PLS1: variants seen among roughly 807,000 people sequenced by gnomAD.
PLS1 encodes plastin 1.
Under a neutral mutation model 73.7 loss-of-function variants are expected in PLS1, and 32 were observed. The ratio of observed to expected loss-of-function variants is 0.43; its 90% CI spans 0.33 to 0.58. PLS1 has a LOEUF of 0.58. PLS1 is among the 20% of genes least tolerant of loss of function. The pLI, the probability that PLS1 is intolerant of heterozygous loss-of-function variation, is 0.04. For synonymous variants in PLS1, 217 were observed against 261.3 expected, an observed-to-expected ratio of 0.83 and a Z score of 1.63; for missense variants, 633 against 740.5, an observed-to-expected ratio of 0.85 and a Z score of 1.68.
intron 1 of PLS1, among the ~76,000 whole-genome samples, chr3:142,637,093 C>T (rs762546957): frequency 6.6e-6 from 1 of 152,102 alleles, no homozygotes; most frequent in Non-Finnish European, 1.5e-5. Context: ...TGTGTTTGTC[C>T]ACACACAGAC....
intron 1 of PLS1, among the ~76,000 whole-genome samples, chr3:142,661,316 C>T (rs1338128260): frequency 6.6e-6 from 1 of 152,140 alleles, no homozygotes. Flanking sequence ...TCTATTTACT[C>T]CTTTTTCTAC....
intron 1 of PLS1, among the ~76,000 whole-genome samples, chr3:142,634,052 A>G (rs1476527307): frequency 6.6e-6 from 1 of 152,248 alleles, no homozygotes; most frequent in African/African-American, 2.4e-5. Context: ...TACAATGGAC[A>G]GGATTAAGGG....
chr3:142,620,114 G>A (rs1480096581), intron 1 of PLS1, among the ~76,000 whole-genome samples: 1 of 151,624 alleles, frequency 6.6e-6, no homozygotes, highest in Non-Finnish European at 1.5e-5. Flanking sequence ...AGAAGTTTGA[G>A]AAGTAGACTT....
At chr3:142,623,884 T>C (rs1445078666) in intron 1 of PLS1, among the ~76,000 whole-genome samples, 1 of 152,200 alleles carries the variant, frequency 6.6e-6, no homozygotes, top group Non-Finnish European at 1.5e-5. Flanking sequence ...GATTGGGCTT[T>C]GATTTTCCTT....
intron 9 of PLS1, among the ~76,000 whole-genome samples, chr3:142,687,536 T>C (rs2037996593): frequency 6.6e-6 from 1 of 152,158 alleles, no homozygotes; most frequent in African/African-American, 2.4e-5. Flanking sequence ...TGCAAATCAT[T>C]TTAAGTAAAA....
chr3:142,635,178 C>T (rs753274766), intron 1 of PLS1, among the ~76,000 whole-genome samples: 4 of 150,780 alleles, frequency 2.7e-5, no homozygotes, highest in Non-Finnish European at 4.4e-5. Context: ...CTAAAGCAAT[C>T]GCTAAAAATG....
intron 1 of PLS1, among the ~76,000 whole-genome samples, chr3:142,663,756 C>G (rs1010274621): frequency 3.9e-5 from 6 of 152,128 alleles, no homozygotes; most frequent in African/African-American, 1.4e-4. Flanking sequence ...ATGTTAAAAC[C>G]ACAAATCCCA....
Position 142,665,987 on chromosome 3 carries a change from CTTTA to C in PLS1, c.70+1685_70+1688del, listed in dbSNP as rs147784751. Among the ~76,000 whole-genome samples, 273 of 152,202 alleles carry C rather than the reference CTTTA, an allele frequency of 1.8e-3. 5 individuals are homozygous for C. In the East Asian group the frequency reaches 0.026, roughly 15 times the overall value. ...CACTAGCAGAATAGGTACTTGCTGACTTTATTTAGGAGGTAAACTGCTACTCTGT... is the reference window on the plus strand; with the variant it reads ...CACTAGCAGAATAGGTACTTGCTGACTTTAGGAGGTAAACTGCTACTCTGT... On this transcript the variant is annotated intron_variant, in intron 2 of 15. Transcript: ENST00000457734.
chr3:142,632,389 C>T (rs909502381), intron 1 of PLS1, among the ~76,000 whole-genome samples: 4 of 152,008 alleles, frequency 2.6e-5, no homozygotes, highest in African/African-American at 9.7e-5. Flanking sequence ...TCACCTTATG[C>T]CCATTAGGAT....
chr3:142,600,916 A>ATATATATAT (rs1560024585), intron 1 of PLS1, among the ~76,000 whole-genome samples: 4 of 14,832 alleles, frequency 2.7e-4, no homozygotes, highest in Non-Finnish European at 3.3e-4. Context: ...ATATATATAT[A>ATATATATAT]TTTTTTTTTT....
intron 1 of PLS1, among the ~76,000 whole-genome samples, chr3:142,601,701 G>T (rs931654679): frequency 6.6e-6 from 1 of 151,942 alleles, no homozygotes; most frequent in Admixed American, 6.6e-5. Flanking sequence ...TTTTTTTATA[G>T]TGATAAGGTC....
intron 14 of PLS1, 93 bp from the exon 15 acceptor site, chr3:142,711,408 G>C: frequency 1.2e-6 from 1 of 869,262 alleles, no homozygotes; most frequent in Non-Finnish European, 1.8e-6. Context: ...AGAATTTGTA[G>C]ATTGCCTTCA....
chr3:142,677,028 T>C (rs2037737873), intron 5 of PLS1, among the ~76,000 whole-genome samples: 1 of 152,146 alleles, frequency 6.6e-6, no homozygotes. Flanking sequence ...ATATAAAATA[T>C]ACCTTGACCT....
At chr3:142,639,095 G>C (rs1560043197) in intron 1 of PLS1, among the ~76,000 whole-genome samples, 1 of 152,062 alleles carries the variant, frequency 6.6e-6, no homozygotes, top group Non-Finnish European at 1.5e-5. Flanking sequence ...TATAATAGAA[G>C]ACTTCCTTAG....
At chr3:142,654,669 G>A (rs1447023838) in intron 1 of PLS1, 2 of 152,158 alleles carry the variant, frequency 1.3e-5, no homozygotes, top group Non-Finnish European at 1.5e-5. Context: ...AAATTATTTT[G>A]ATAGATTTAG....
intron 12 of PLS1, among the ~76,000 whole-genome samples, chr3:142,698,619 G>A (rs1449929278): frequency 6.6e-6 from 1 of 151,992 alleles, no homozygotes; most frequent in African/African-American, 2.4e-5. Context: ...AAAGACACAT[G>A]AATGAACAAT....
chr3:142,612,126 A>G (rs1372019835), intron 1 of PLS1, among the ~76,000 whole-genome samples: 1 of 152,230 alleles, frequency 6.6e-6, no homozygotes, highest in Non-Finnish European at 1.5e-5. Flanking sequence ...TTCCTAAGAA[A>G]CAAGTACATC....
rs878908950 is a variant in PLS1, at chr3:142,698,012, A to G, written c.1316A>G (p.Asn439Ser). Residue 439 changes from asparagine (N) to serine (S), a missense_variant, in exon 12 of 16, where the codon AAC becomes AGC. Physicochemically the swap from Asn to Ser is conservative, Grantham distance 46. Coordinates refer to ENST00000457734, the MANE Select transcript of PLS1 (RefSeq NM_001145319.2). ...QLYEMIRVPV[N>S]WSHVNKPPYP... ...TATGAGATGATCCGAGTGCCAGTCA[A>G]CTGGAGCCATGTCAACAAACCTCCT... 1 of 1,613,772 alleles carries G rather than the reference A, an allele frequency of 6.2e-7. No homozygotes were observed. The highest frequency in any genetic ancestry group is 1.1e-5 in the South Asian group (1 of 91,074).
intron 13 of PLS1, 88 bp downstream of exon 13, chr3:142,704,089 G>C: frequency 9.6e-7 from 1 of 1,044,058 alleles, no homozygotes; most frequent in African/African-American, 1.6e-5. Flanking sequence ...GAACAATAAT[G>C]AACACAGAAG....
Sources: allele counts gnomAD v4.1 joint callset (sites outside exome capture counted in the v4.1 genomes callset), GRCh38; gene constraint gnomAD v4.1.1; transcripts MANE v1.5; gene names NCBI Gene and HGNC (gene_info 2026-07-23, HGNC 2026-07-21).